MYH16: variants seen among roughly 807,000 people sequenced by gnomAD.
The protein encoded by MYH16 is putative uncharacterized protein MYH16.
At chr7:99,279,603 C>T (rs769416845) in exon 22 of MYH16, 11 of 456,356 alleles carry the variant, frequency 2.4e-5, no homozygotes, top group South Asian at 1.1e-4. Flanking sequence ...CATGCGGGAG[C>T]GGCTGGAGGA....
exon 29 of MYH16, chr7:99,287,910 C>T (rs569021018): frequency 4.6e-5 from 21 of 455,604 alleles, no homozygotes; most frequent in Admixed American, 1.9e-4. Context: ...GAACCGCAAG[C>T]GGGAGGCTGA....
intron 7 of MYH16, chr7:99,253,166 C>G (rs1791830840): frequency 6.6e-6 from 1 of 151,682 alleles, no homozygotes; most frequent in Admixed American, 6.6e-5. Flanking sequence ...ACTCAGGAGG[C>G]TAAGGCAAGA....
chr7:99,256,974 T>G (rs1275628072), intron 9 of MYH16, among the ~76,000 whole-genome samples: 1 of 152,172 alleles, frequency 6.6e-6, no homozygotes, highest in Non-Finnish European at 1.5e-5. Context: ...ATAACAATAC[T>G]AATACCTCCC....
intron 28 of MYH16, 99 bp from the exon 10 acceptor site, chr7:99,287,793 G>A (rs538771037): frequency 1.1e-4 from 42 of 388,558 alleles, no homozygotes; most frequent in Non-Finnish European, 2.2e-4. Flanking sequence ...TTTTAGCGAG[G>A]TACAGGAATA....
chr7:99,248,863 T>C (rs1343416914), intron 3 of MYH16: 2 of 152,700 alleles, frequency 1.3e-5, no homozygotes, highest in Admixed American at 6.5e-5. Context: ...GGCCTCCAAG[T>C]GTAGCCAAGG....
At chr7:99,270,132 T>G (rs867964031) in intron 18 of MYH16, among the ~76,000 whole-genome samples, 2 of 151,618 alleles carry the variant, frequency 1.3e-5, no homozygotes, top group Non-Finnish European at 2.9e-5. Flanking sequence ...CCCAAGGCAC[T>G]GGGATTACAG....
At chr7:99,241,410 C>G (rs187280711) in intron 1 of MYH16, among the ~76,000 whole-genome samples, 56 of 152,188 alleles carry the variant, frequency 3.7e-4, no homozygotes, top group African/African-American at 4.8e-4. Flanking sequence ...TGGTGAAACC[C>G]CATCTCTACC....
intron 37 of MYH16, among the ~76,000 whole-genome samples, chr7:99,300,881 G>A (rs1389581695): frequency 6.6e-6 from 1 of 152,030 alleles, no homozygotes; most frequent in Non-Finnish European, 1.5e-5. Flanking sequence ...TATTAAAACT[G>A]GTGATAAGTC....
At chr7:99,270,009 G>A (rs1224767745) in intron 18 of MYH16, among the ~76,000 whole-genome samples, 1 of 151,822 alleles carries the variant, frequency 6.6e-6, no homozygotes, top group Non-Finnish European at 1.5e-5. Context: ...GAGTAACTGG[G>A]ATTACAGGCA....
chr7:99,256,156 G>A (rs1010557726), intron 9 of MYH16, among the ~76,000 whole-genome samples: 10 of 151,348 alleles, frequency 6.6e-5, no homozygotes, highest in African/African-American at 2.4e-4. Flanking sequence ...AATAATAATA[G>A]TGCCAGGCAC....
At chr7:99,270,328 T>A (rs1270930892) in intron 18 of MYH16, among the ~76,000 whole-genome samples, 2 of 150,780 alleles carry the variant, frequency 1.3e-5, no homozygotes, top group Non-Finnish European at 1.5e-5. Context: ...AAAAAATTTT[T>A]TTTTTTTTTT....
chr7:99,264,893 A>G (rs1291041258), intron 15 of MYH16, among the ~76,000 whole-genome samples: 3 of 152,282 alleles, frequency 2.0e-5, no homozygotes, highest in Non-Finnish European at 4.4e-5. Flanking sequence ...AAGTCATTGG[A>G]CCTTGAGAGC....
chr7:99,296,960 G>A (rs1792508410), intron 34 of MYH16, 43 bp downstream of exon 15: 1 of 449,990 alleles, frequency 2.2e-6, no homozygotes, highest in African/African-American at 2.0e-5. Context: ...TGTAGGGAGG[G>A]GACACAGCCA....
rs1020041221 is a variant in MYH16 at position 99,270,154 on chromosome 7, C to T, written n.2267-803C>T. 6.1e-4 allele frequency among the ~76,000 whole-genome samples: 92 copies of T among 151,786 alleles called. 1 individual carries two copies. Among genetic ancestry groups the T allele is most frequent in the Non-Finnish European group, 1.6e-4 (11 of 67,936 alleles). ...CACTGGGATTACAGGTGTGAGCCAT[C>T]GTGCCTGGCCTGGGGGGATTTTTAA... On this transcript the variant is annotated intron_variant and non_coding_transcript_variant, in intron 18 of 41. Transcript: ENST00000439784.
intron 34 of MYH16, 58 bp downstream of exon 15, chr7:99,296,975 C>T (rs1792508836): frequency 4.5e-6 from 2 of 443,706 alleles, no homozygotes. Context: ...CAGCCAGAGT[C>T]CCCTTCATCC....
intron 2 of MYH16, among the ~76,000 whole-genome samples, chr7:99,247,013 G>A (rs1791740893): frequency 6.6e-6 from 1 of 152,174 alleles, no homozygotes; most frequent in South Asian, 2.1e-4. Flanking sequence ...TTCAACATAT[G>A]ATGGGTTTAT....
intron 18 of MYH16, among the ~76,000 whole-genome samples, chr7:99,267,744 C>T (rs991257700): frequency 7.9e-5 from 12 of 152,188 alleles, no homozygotes; most frequent in Non-Finnish European, 2.9e-5. Flanking sequence ...TTTCCTGGCC[C>T]TGCAGCATCC....
At chr7:99,272,189 C>T (rs1792054753) in intron 19 of MYH16, among the ~76,000 whole-genome samples, 1 of 152,170 alleles carries the variant, frequency 6.6e-6, no homozygotes, top group South Asian at 2.1e-4. Flanking sequence ...CAGGAAACAA[C>T]TAATATAAAC....
intron 19 of MYH16, 97 bp from the exon 2 acceptor site, chr7:99,273,245 T>C (rs1217048364): frequency 2.3e-6 from 1 of 439,734 alleles, no homozygotes; most frequent in Non-Finnish European, 4.6e-6. Context: ...ACAAGGTAGA[T>C]CTGCTGGCTT....
Sources: gnomAD v4.1 joint callset for allele counts (sites outside exome capture counted in the v4.1 genomes callset) on GRCh38, gnomAD v4.1.1 for gene constraint, MANE v1.5 for transcripts, NCBI Gene and HGNC (gene_info 2026-07-23, HGNC 2026-07-21) for gene names.